The following KATNIP variants were observed in gnomAD, a reference collection of about 807,000 sequenced individuals.
The protein encoded by KATNIP is katanin-interacting protein.
Under a neutral mutation model 174.0 loss-of-function variants are expected in KATNIP, and 126 were observed. That is an observed-to-expected ratio of 0.72 (90% CI 0.63 to 0.84). The LOEUF (loss-of-function observed/expected upper bound fraction) is 0.84, where lower values mean the gene tolerates loss of function less well. Among genes scored for constraint, KATNIP ranks in the 40% least tolerant of loss-of-function variants. The pLI, the probability that KATNIP is intolerant of heterozygous loss-of-function variation, is 0.00. For missense variants in KATNIP, 1,958 were observed against 2,109.7 expected (o/e 0.93, Z 1.41); for synonymous variants, 810 against 835.7 (o/e 0.97, Z 0.53).
chr16:27,648,700 C>G lies in KATNIP; in HGVS notation c.505C>G (p.Leu169Val), dbSNP rs759552177. The change falls in exon 6 of 28, where the codon CTC becomes GTC. Residue 169 changes from leucine (L) to valine (V), a missense_variant. Physicochemically the swap from Leu to Val is conservative, Grantham distance 32. Coordinates refer to ENST00000261588, the MANE Select transcript of KATNIP (RefSeq NM_015202.5). The stretch of plus-strand genomic sequence containing the variant: ...TTTTGAGCTGTGTGGGGATGTGACT[C>G]TCCAGGCAAACAACACTTCTGAGGA... ...DDFELCGDVTLQANNTSEDRP... is the reference protein window; with the variant it reads ...DDFELCGDVTVQANNTSEDRP... The G allele has an allele frequency of 6.2e-7, 1 of 1,614,178 alleles. No individual in the cohort carries two copies. The highest frequency in any genetic ancestry group is 1.7e-5 in the Admixed American group (1 of 60,016).
chr16:27,656,061 A>T (rs1201096091), intron 6 of KATNIP, among the ~76,000 whole-genome samples: 1 of 152,188 alleles, frequency 6.6e-6, no homozygotes, highest in Non-Finnish European at 1.5e-5. Context: ...AGCGAAATCC[A>T]GTGAGGAAAC....
chr16:27,750,411 T>TC (rs1364848269), intron 16 of KATNIP, 105 bp downstream of exon 16: 24 of 1,159,462 alleles, frequency 2.1e-5, no homozygotes, highest in South Asian at 4.7e-5. Flanking sequence ...GATCAGTCCT[T>TC]TCTCTTTCTT....
chr16:27,763,136 A>G lies in KATNIP; in HGVS notation c.3809+1546A>G, dbSNP rs190898676. ...TTCGAGACCAGCCTGGGTAACAGTGAGAATGTGTCTCTACAAAAGAAAAAA... is the reference window on the plus strand; with the variant it reads ...TTCGAGACCAGCCTGGGTAACAGTGGGAATGTGTCTCTACAAAAGAAAAAA... On this transcript the variant is annotated intron_variant, in intron 19 of 27. Coordinates refer to ENST00000261588, the MANE Select transcript of KATNIP (RefSeq NM_015202.5). Among the ~76,000 whole-genome samples the G allele has an allele frequency of 5.3e-3, 806 of 151,142 alleles. 6 individuals are homozygous for G. The highest frequency in any genetic ancestry group is 8.6e-3 in the Non-Finnish European group (586 of 67,760).
chr16:27,571,189 T>G (rs1267254087), intron 1 of KATNIP, among the ~76,000 whole-genome samples: 1 of 152,206 alleles, frequency 6.6e-6, no homozygotes, highest in Admixed American at 6.5e-5. Flanking sequence ...TGTGCCACCA[T>G]GCCCGGCTAA....
At chr16:27,554,105 T>C (rs1279497360) in intron 1 of KATNIP, among the ~76,000 whole-genome samples, 1 of 152,026 alleles carries the variant, frequency 6.6e-6, no homozygotes, top group East Asian at 1.9e-4. Context: ...TAGTACATTG[T>C]GGTAACATTG....
chr16:27,656,801 G>A (rs187229257), intron 6 of KATNIP, among the ~76,000 whole-genome samples: 1 of 130,384 alleles, frequency 7.7e-6, no homozygotes, highest in African/African-American at 2.8e-5. Flanking sequence ...GGGAGGGGAG[G>A]GGGGAGGGAT....
intron 6 of KATNIP, among the ~76,000 whole-genome samples, chr16:27,650,750 A>T (rs1267865574): frequency 1.3e-5 from 2 of 152,252 alleles, no homozygotes; most frequent in African/African-American, 4.8e-5. Context: ...GTTGTAAAAT[A>T]CCCGAGTATG....
chr16:27,573,180 T>G (rs1194475519), intron 1 of KATNIP, among the ~76,000 whole-genome samples: 2 of 152,232 alleles, frequency 1.3e-5, no homozygotes, highest in Non-Finnish European at 2.9e-5. Flanking sequence ...TTGGGCAGTT[T>G]AGGAGATACA....
At chr16:27,748,170 G>A (rs1441179519) in intron 15 of KATNIP, among the ~76,000 whole-genome samples, 11 of 152,224 alleles carry the variant, frequency 7.2e-5, no homozygotes, top group Admixed American at 6.5e-5. Context: ...CATAAGGAGC[G>A]TGGGGCCTTC....
chr16:27,607,664 C>T (rs1436819701), intron 2 of KATNIP, among the ~76,000 whole-genome samples: 2 of 143,812 alleles, frequency 1.4e-5, no homozygotes, highest in Non-Finnish European at 3.0e-5. Context: ...GTGGCACAAT[C>T]TCAGCTCACC....
At chr16:27,665,304 C>A (rs370125128) in intron 6 of KATNIP, among the ~76,000 whole-genome samples, 3 of 151,912 alleles carry the variant, frequency 2.0e-5, no homozygotes, top group African/African-American at 7.2e-5. Context: ...GGGGTTTCAC[C>A]ATGTTGGCCG....
intron 8 of KATNIP, among the ~76,000 whole-genome samples, chr16:27,695,868 C>A (rs767755453): frequency 9.2e-5 from 14 of 152,190 alleles, no homozygotes; most frequent in Non-Finnish European, 1.3e-4. Context: ...CCATCCATTA[C>A]CCATCCTTGG....
intron 11 of KATNIP, among the ~76,000 whole-genome samples, chr16:27,703,686 C>T (rs1319593714): frequency 6.6e-6 from 1 of 152,168 alleles, no homozygotes; most frequent in African/African-American, 2.4e-5. Context: ...GCAGTGTTTC[C>T]CCAGCTGGGC....
chr16:27,649,827 G>A (rs1228070675), intron 6 of KATNIP, among the ~76,000 whole-genome samples: 2 of 152,254 alleles, frequency 1.3e-5, no homozygotes, highest in Non-Finnish European at 2.9e-5. Flanking sequence ...CCAGGATAGA[G>A]AGAGAAGGAA....
intron 6 of KATNIP, among the ~76,000 whole-genome samples, chr16:27,655,974 TAGAG>T (rs1336455069): frequency 6.6e-6 from 1 of 152,190 alleles, no homozygotes; most frequent in Non-Finnish European, 1.5e-5. Context: ...TAAACAATGA[TAGAG>T]AGAACTCTCC....
chr16:27,617,288 C>T (rs971012290), intron 2 of KATNIP, among the ~76,000 whole-genome samples: 5 of 152,220 alleles, frequency 3.3e-5, no homozygotes, highest in African/African-American at 1.2e-4. Flanking sequence ...GCCTCTGCAT[C>T]TCTTGGATAT....
chr16:27,774,855 A>C (rs912902451), intron 23 of KATNIP, 90 bp from the exon 24 acceptor site: 1 of 1,494,016 alleles, frequency 6.7e-7, no homozygotes, highest in Non-Finnish European at 9.2e-7. Flanking sequence ...TGCCAGCCCC[A>C]GAGTCCCCCG....
intron 14 of KATNIP, among the ~76,000 whole-genome samples, chr16:27,736,897 C>T (rs972587179): frequency 6.6e-6 from 1 of 152,066 alleles, no homozygotes; most frequent in Non-Finnish European, 1.5e-5. Flanking sequence ...CAGCAGCACA[C>T]GCGGGCAAGG....
At chr16:27,707,835 T>G (rs2079385938) in intron 12 of KATNIP, among the ~76,000 whole-genome samples, 1 of 152,218 alleles carries the variant, frequency 6.6e-6, no homozygotes, top group South Asian at 2.1e-4. Context: ...TTGGTGTGTC[T>G]CTCTGTGTGT....
Sources: gnomAD v4.1 joint callset for allele counts (sites outside exome capture counted in the v4.1 genomes callset) on GRCh38, gnomAD v4.1.1 for gene constraint, MANE v1.5 for transcripts, NCBI Gene and HGNC (gene_info 2026-07-23, HGNC 2026-07-21) for gene names.